VCAN: variants seen among roughly 807,000 people sequenced by gnomAD.
VCAN encodes the protein versican.
In VCAN, 44 loss-of-function variants were observed where a neutral mutation model predicts 245.5. That is an observed-to-expected ratio of 0.18 (90% confidence interval 0.14 to 0.23). The LOEUF is 0.23. Ranked by LOEUF, VCAN falls within the 10% of genes least tolerant of loss-of-function variation. The pLI, the probability that VCAN is intolerant of heterozygous loss-of-function variation, is 1.00. For synonymous variants in VCAN, 1,413 were observed against 1,437.0 expected, an observed-to-expected ratio of 0.98 and a Z score of 0.38; for missense variants, 3,793 against 4,057.9, an observed-to-expected ratio of 0.93 and a Z score of 1.77.
chr5:83,516,796 C>T (rs937305863), intron 6 of VCAN, among the ~76,000 whole-genome samples: 6 of 152,180 alleles, frequency 3.9e-5, no homozygotes, highest in Non-Finnish European at 8.8e-5. Context: ...GGTATTTATT[C>T]TTAAAATATC....
intron 7 of VCAN, among the ~76,000 whole-genome samples, chr5:83,526,710 G>A (rs1167521993): frequency 1.3e-5 from 2 of 152,154 alleles, no homozygotes; most frequent in African/African-American, 4.8e-5. Context: ...CCTTTGAATA[G>A]CACTATGCAT....
chr5:83,493,996 A>C (rs779138209), intron 5 of VCAN, 65 bp downstream of exon 5: 2 of 1,610,392 alleles, frequency 1.2e-6, no homozygotes, highest in Non-Finnish European at 1.7e-6. Context: ...CCAGAAGTTC[A>C]TTGGAATAGA....
chr5:83,560,202 C>T (rs1386611656), intron 12 of VCAN, among the ~76,000 whole-genome samples: 2 of 152,052 alleles, frequency 1.3e-5, no homozygotes, highest in Admixed American at 6.6e-5. Flanking sequence ...TCTGCCACCC[C>T]TGCAGGTTTG....
In VCAN at chr5:83,540,798, A is replaced by G; in HGVS notation, c.7795A>G (p.Thr2599Ala). The part of the protein sequence containing the change: ...DILGMQTDID[T>A]EVPSEPHDSN... ...TCTTGGAATGCAAACAGATATAGAT[A>G]CAGAGGTACCATCAGAACCACATGA... Residue 2599 changes from threonine to alanine, a missense_variant, in exon 8 of 15, where the codon ACA becomes GCA. Coordinates refer to ENST00000265077, the MANE Select transcript of VCAN (RefSeq NM_004385.5). 1.2e-6 allele frequency: 2 copies of G among 1,614,032 alleles called. No homozygotes were observed. Among genetic ancestry groups the G allele is most frequent in the South Asian group, 1.1e-5 (1 of 91,084 alleles).
At chr5:83,554,921 T>C (rs1439862559) in intron 11 of VCAN, 35 bp from the exon 12 acceptor site, 1 of 1,581,266 alleles carries the variant, frequency 6.3e-7, no homozygotes. Flanking sequence ...TATGGAAAAG[T>C]AGTACAAATA....
chr5:83,566,061 T>TC (rs61268536), intron 12 of VCAN, among the ~76,000 whole-genome samples: 124,391 of 151,586 alleles, frequency 0.82, 51,323 homozygotes, highest in African/African-American at 0.9. Context: ...CCTCCCGGGT[T>TC]AAGTGATTCT....
intron 6 of VCAN, among the ~76,000 whole-genome samples, chr5:83,516,629 C>T (rs1055135890): frequency 6.6e-6 from 1 of 152,190 alleles, no homozygotes; most frequent in Admixed American, 6.5e-5. Context: ...GGAAAAGAAT[C>T]GTGTTGATTT....
intron 8 of VCAN, among the ~76,000 whole-genome samples, chr5:83,544,167 C>T (rs140949118): frequency 3.3e-4 from 51 of 152,362 alleles, no homozygotes; most frequent in Non-Finnish European, 6.0e-4. Flanking sequence ...CCTTGTCATC[C>T]TGGCAGCGAG....
intron 5 of VCAN, among the ~76,000 whole-genome samples, chr5:83,496,264 C>A (rs1273579983): frequency 6.6e-6 from 1 of 152,186 alleles, no homozygotes; most frequent in Admixed American, 6.5e-5. Flanking sequence ...GTCTTATAGA[C>A]GTCCTCTCCC....
At chr5:83,516,476 G>A (rs966472043) in intron 6 of VCAN, among the ~76,000 whole-genome samples, 1 of 152,218 alleles carries the variant, frequency 6.6e-6, no homozygotes, top group East Asian at 1.9e-4. Flanking sequence ...GCTAATGGGG[G>A]TTTTAAGTTT....
intron 1 of VCAN, among the ~76,000 whole-genome samples, chr5:83,476,257 C>T (rs1025277324): frequency 2.6e-5 from 4 of 152,224 alleles, no homozygotes; most frequent in Admixed American, 6.5e-5. Context: ...GCCCTCCTTT[C>T]CTGGTGAGAT....
intron 10 of VCAN, among the ~76,000 whole-genome samples, chr5:83,548,951 A>G (rs1272672419): frequency 1.3e-5 from 2 of 152,178 alleles, no homozygotes; most frequent in African/African-American, 2.4e-5. Flanking sequence ...CATGTATTGA[A>G]TTGCTGTTCC....
At chr5:83,546,496 C>T (rs551001158) in intron 9 of VCAN, among the ~76,000 whole-genome samples, 1 of 151,678 alleles carries the variant, frequency 6.6e-6, no homozygotes, top group African/African-American at 2.4e-5. Context: ...TGGTTCAAGC[C>T]TATAACCCCA....
intron 7 of VCAN, among the ~76,000 whole-genome samples, chr5:83,525,083 T>C (rs536034855): frequency 1.6e-4 from 24 of 147,338 alleles, no homozygotes; most frequent in Non-Finnish European, 3.0e-4. Flanking sequence ...AAACAAAACA[T>C]GCTACTCAGG....
chr5:83,484,144 G>T (rs1053289450), intron 2 of VCAN, among the ~76,000 whole-genome samples: 1 of 152,140 alleles, frequency 6.6e-6, no homozygotes, highest in Non-Finnish European at 1.5e-5. Flanking sequence ...TTTGAAGAAA[G>T]ATGCTATCCA....
At chr5:83,556,847 A>G (rs79874939) in intron 12 of VCAN, among the ~76,000 whole-genome samples, 1,965 of 152,314 alleles carry the variant, frequency 0.013, 78 homozygotes, top group East Asian at 0.075. Flanking sequence ...ATTAATGTAT[A>G]TCATACAGTG....
At chr5:83,492,787 T>C (rs1179222465) in intron 3 of VCAN, among the ~76,000 whole-genome samples, 2 of 152,266 alleles carry the variant, frequency 1.3e-5, no homozygotes, top group African/African-American at 2.4e-5. Flanking sequence ...CCCTACGTTA[T>C]GCTGGTCAGG....
rs756853056 is a variant in VCAN, at chr5:83,538,668, A to C, written c.5665A>C (p.Thr1889Pro). The change falls in exon 8 of 15, where the codon ACA becomes CCA. Residue 1889 changes from threonine (T) to proline (P), a missense_variant. Physicochemically the swap from Thr to Pro is conservative, Grantham distance 38. Transcript: ENST00000265077. ...STEPTGLVLSTVMDRVVAENI... is the reference protein window; with the variant it reads ...STEPTGLVLSPVMDRVVAENI... ...TGAGCCAACAGGACTGGTTTTGAGT[A>C]CAGTAATGGACAGAGTAGTTGCTGA... 3.7e-6 allele frequency: 6 copies of C among 1,614,010 alleles called. No individual in the cohort carries two copies. Among genetic ancestry groups the C allele is most frequent in the Non-Finnish European group, 3.4e-6 (4 of 1,179,966 alleles).
At chr5:83,506,353 CA>C (rs1166222573) in intron 5 of VCAN, among the ~76,000 whole-genome samples, 2 of 152,158 alleles carry the variant, frequency 1.3e-5, no homozygotes, top group Non-Finnish European at 1.5e-5. Context: ...AAATTTCTTC[CA>C]CCACATACTG....
Sources: gnomAD v4.1 joint callset for allele counts (sites outside exome capture counted in the v4.1 genomes callset) on GRCh38, gnomAD v4.1.1 for gene constraint, MANE v1.5 for transcripts, NCBI Gene and HGNC (gene_info 2026-07-23, HGNC 2026-07-21) for gene names.